Variants in RIGI observed in about 807,000 individuals in gnomAD.
RIGI encodes RNA sensor RIG-I.
the RIGI span, among the ~76,000 whole-genome samples, chr9:32,505,992 G>A: frequency 6.6e-6 from 1 of 152,010 alleles, no homozygotes; most frequent in Admixed American, 6.6e-5. Context: ...CAAGGCAGGC[G>A]GATCACTTGA....
chr9:32,462,250 T>TA, the RIGI span, among the ~76,000 whole-genome samples: 1 of 152,170 alleles, frequency 6.6e-6, no homozygotes, highest in African/African-American at 2.4e-5. Context: ...GTCAGTGTTC[T>TA]ACATGCATGA....
the RIGI span, among the ~76,000 whole-genome samples, chr9:32,470,259 G>C: frequency 6.6e-6 from 1 of 152,138 alleles, no homozygotes; most frequent in Non-Finnish European, 1.5e-5. Flanking sequence ...CATACATTGA[G>C]CACTCACCAC....
At chr9:32,480,362 A>C in the RIGI span, 1 of 1,577,772 alleles carries the variant, frequency 6.3e-7, no homozygotes, top group African/African-American at 1.3e-5. Context: ...TTTCTGTTGA[A>C]AGTAAAAACT....
At chr9:32,481,320 T>C in the RIGI span, 1 of 1,607,754 alleles carries the variant, frequency 6.2e-7, no homozygotes, top group Admixed American at 1.7e-5. Context: ...AGAATACGAC[T>C]CTTAAAAAGA....
At chr9:32,463,540 C>T in the RIGI span, among the ~76,000 whole-genome samples, 1 of 152,130 alleles carries the variant, frequency 6.6e-6, no homozygotes, top group Non-Finnish European at 1.5e-5. Flanking sequence ...CAATTAAATA[C>T]TAATAATCTC....
chr9:32,477,193 A>G, the RIGI span: 2 of 1,573,806 alleles, frequency 1.3e-6, no homozygotes, highest in East Asian at 4.5e-5. Flanking sequence ...ACACACTGTG[A>G]CCTTTAGCTA....
the RIGI span, chr9:32,472,826 T>C: frequency 1.6e-4 from 58 of 362,814 alleles, no homozygotes; most frequent in Non-Finnish European, 2.5e-4. Flanking sequence ...AAACCTTGAC[T>C]GATAGAAGCA....
At chr9:32,471,731 C>T in the RIGI span, among the ~76,000 whole-genome samples, 17 of 152,016 alleles carry the variant, frequency 1.1e-4, no homozygotes, top group African/African-American at 3.9e-4. Context: ...AAAATATTTC[C>T]TGAGTGTCTA....
the RIGI span, among the ~76,000 whole-genome samples, chr9:32,523,302 C>T: frequency 6.6e-6 from 1 of 152,160 alleles, no homozygotes; most frequent in Non-Finnish European, 1.5e-5. Flanking sequence ...GCAAGGATCT[C>T]CACATTAATG....
At chr9:32,500,899 G>A in the RIGI span, 1 of 1,614,056 alleles carries the variant, frequency 6.2e-7, no homozygotes, top group Non-Finnish European at 8.5e-7. Flanking sequence ...CCTCCATTGG[G>A]CCCTTGTTGT....
the RIGI span, among the ~76,000 whole-genome samples, chr9:32,516,340 G>A: frequency 6.6e-6 from 1 of 152,134 alleles, no homozygotes; most frequent in Non-Finnish European, 1.5e-5. Context: ...TTCTTCCCTG[G>A]CAATACTTGT....
the RIGI span, among the ~76,000 whole-genome samples, chr9:32,497,734 G>C: frequency 6.6e-6 from 1 of 152,210 alleles, no homozygotes; most frequent in Non-Finnish European, 1.5e-5. Context: ...CTGGGCGACA[G>C]AGCGAGACTC....
At chr9:32,505,208 G>A in the RIGI span, among the ~76,000 whole-genome samples, 1 of 151,246 alleles carries the variant, frequency 6.6e-6, no homozygotes, top group East Asian at 1.9e-4. Flanking sequence ...AATAGAAAAA[G>A]GAGTTGAACC....
chr9:32,485,123 A>C, the RIGI span: 1 of 1,320,184 alleles, frequency 7.6e-7, no homozygotes, highest in Non-Finnish European at 1.1e-6. Flanking sequence ...ATAGTGAACA[A>C]TAAATGGCTA....
the RIGI span, among the ~76,000 whole-genome samples, chr9:32,508,026 C>T: frequency 6.6e-6 from 1 of 151,858 alleles, no homozygotes; most frequent in South Asian, 2.1e-4. Context: ...TTCTTTTCTC[C>T]TCTCAAGAAC....
the RIGI span, among the ~76,000 whole-genome samples, chr9:32,481,085 G>T: frequency 2.0e-5 from 3 of 152,178 alleles, no homozygotes; most frequent in Admixed American, 6.5e-5. Flanking sequence ...AACCATGTCA[G>T]TTAATGCTAG....
At chr9:32,470,597 C>G in the RIGI span, among the ~76,000 whole-genome samples, 1 of 151,988 alleles carries the variant, frequency 6.6e-6, no homozygotes, top group African/African-American at 2.4e-5. Flanking sequence ...TGACATTAAC[C>G]CTCTCAGCTA....
the RIGI span, among the ~76,000 whole-genome samples, chr9:32,505,013 AAT>A: frequency 7.6e-6 from 1 of 131,456 alleles, no homozygotes; most frequent in East Asian, 2.0e-4. Context: ...TATATGTTTA[AAT>A]ATATATCTAT....
chr9:32,464,459 G>A, the RIGI span, among the ~76,000 whole-genome samples: 10 of 151,904 alleles, frequency 6.6e-5, no homozygotes, highest in African/African-American at 1.5e-4. Context: ...GCGCGATCTC[G>A]GCTCACTGCA....
Sources: gnomAD v4.1 joint callset for allele counts (sites outside exome capture counted in the v4.1 genomes callset) on GRCh38, gnomAD v4.1.1 for gene constraint, MANE v1.5 for transcripts, NCBI Gene and HGNC (gene_info 2026-07-23, HGNC 2026-07-21) for gene names.